ENAM: variants seen among roughly 807,000 people sequenced by gnomAD.
The protein encoded by ENAM is amelogenesis imperfecta 2, hypocalcification (autosomal dominant).
A neutral mutation model predicts 33.6 loss-of-function variants in ENAM; 21 were observed. The ratio of observed to expected loss-of-function variants is 0.63; its 90% CI spans 0.44 to 0.90. The LOEUF is 0.90. Among genes scored for constraint, ENAM ranks in the 40% least tolerant of loss-of-function variants. ENAM has a pLI of 0.00. For missense variants in ENAM, 1,388 were observed against 1,366.9 expected, an observed-to-expected ratio of 1.02 and a Z score of -0.24; for synonymous variants, 473 against 468.4, an observed-to-expected ratio of 1.01 and a Z score of -0.13.
At chr4:70,633,366 T>C (rs1014198576) in intron 5 of ENAM, among the ~76,000 whole-genome samples, 1 of 152,152 alleles carries the variant, frequency 6.6e-6, no homozygotes, top group Non-Finnish European at 1.5e-5. Flanking sequence ...TCATTGTAAA[T>C]TTCCTCTTCC....
Position 70,644,641 on chromosome 4 carries a change from C to T in ENAM, c.3215C>T (p.Thr1072Ile). ...LAKHHSSTTGTPSSDGRQSPF... is the reference protein window; with the variant it reads ...LAKHHSSTTGIPSSDGRQSPF... ...AAGCATCACTCTTCCACCACCGGAA[C>T]TCCATCTAGCGATGGAAGGCAAAGC... Residue 1072 changes from threonine to isoleucine, a missense_variant, in exon 9 of 9, where the codon ACT becomes ATT. Coordinates refer to ENST00000396073, the MANE Select transcript of ENAM (RefSeq NM_031889.3). The T allele has an allele frequency of 1.9e-6, 3 of 1,613,544 alleles. No homozygotes were observed. The highest frequency in any genetic ancestry group is 2.5e-6 in the Non-Finnish European group (3 of 1,179,484).
chr4:70,643,553 A>T lies in ENAM; in HGVS notation c.2127A>T (p.Lys709Asn), dbSNP rs753841608. ...YLPYSLDNPSKPREDFYYSEF... is the reference protein window; with the variant it reads ...YLPYSLDNPSNPREDFYYSEF... The stretch of plus-strand genomic sequence containing the variant: ...CCTATTCTTTAGATAATCCATCAAA[A>T]CCAAGGGAGGATTTTTATTACAGTG... Residue 709 changes from lysine (K) to asparagine (N), a missense_variant, in exon 9 of 9, where the codon AAA becomes AAT. Coordinates refer to ENST00000396073, the MANE Select transcript of ENAM (RefSeq NM_031889.3). 1.2e-6 allele frequency: 2 copies of T among 1,614,032 alleles called. No individual in the cohort carries two copies. Among genetic ancestry groups the T allele is most frequent in the Non-Finnish European group, 1.7e-6 (2 of 1,179,978 alleles).
At chr4:70,637,716 C>A (rs1398666065) in intron 7 of ENAM, 74 bp from the exon 8 acceptor site, 2 of 1,122,154 alleles carry the variant, frequency 1.8e-6, no homozygotes, top group Non-Finnish European at 2.7e-6. Context: ...TTTTTAGACA[C>A]CCTGAGTCTT....
Position 70,645,169 on chromosome 4 carries a change from C to T in ENAM, c.*314C>T. 1 of 530,092 alleles carries T rather than the reference C, an allele frequency of 1.9e-6. No homozygotes were observed. Among genetic ancestry groups the T allele is most frequent in the East Asian group, 2.9e-5 (1 of 34,222 alleles). 32.8% of individuals were successfully genotyped at this position (530,092 alleles called of 1,614,324 possible). ...CTTTTGCTTGATGACTTCTTTTGCT[C>T]TCAAAGTTCCATACTTGCAAAATTG... On this transcript the variant is annotated 3_prime_UTR_variant, in exon 9 of 9. Transcript: ENST00000396073.
rs765963621 is a variant in ENAM, at chr4:70,636,110, CCAAA to C, written c.534+219_534+222del. 6.6e-5 allele frequency among the ~76,000 whole-genome samples: 10 copies of C among 152,108 alleles called. No homozygotes were observed. In the South Asian group the frequency reaches 8.3e-4, roughly 13 times the overall value. On this transcript the variant is annotated intron_variant, in intron 7 of 8. Transcript: ENST00000396073. ...GGTGACATAAATACAACCTAAATCA[CCAAA>C]CAGATACTAATAAATTAGCTAATAA...
At chr4:70,634,164 TA>T in intron 5 of ENAM, 143 bp from the exon 6 acceptor site, 1 of 818,834 alleles carries the variant, frequency 1.2e-6, no homozygotes, top group Non-Finnish European at 2.1e-6. Context: ...AAATTCTAAC[TA>T]AAGATCTGGA....
chr4:70,641,535 G>A lies in ENAM; in HGVS notation c.589-480G>A, dbSNP rs187043843. On this transcript the variant is annotated intron_variant, in intron 8 of 8. Coordinates refer to ENST00000396073, the MANE Select transcript of ENAM (RefSeq NM_031889.3). ...CCTGAGTAACTGGGACTACAGGTGCGTGCACCACCATGCCCAGCTAATTTT... is the reference window on the plus strand; with the variant it reads ...CCTGAGTAACTGGGACTACAGGTGCATGCACCACCATGCCCAGCTAATTTT... Among the ~76,000 whole-genome samples the A allele has an allele frequency of 2.1e-3, 324 of 151,662 alleles. 1 individual carries two copies. The highest frequency in any genetic ancestry group is 3.4e-3 in the Middle Eastern group (1 of 294).
chr4:70,643,576 G>A lies in ENAM; in HGVS notation c.2150G>A (p.Ser717Asn). ...AAACCAAGGGAGGATTTTTATTACA[G>A]TGAATTTTACCCATGGAGCCCGGAT... The part of the protein sequence containing the change: ...PSKPREDFYY[S>N]EFYPWSPDEN... The change falls in exon 9 of 9, where the codon AGT (serine) becomes AAT (asparagine). Residue 717 changes from serine (S) to asparagine (N), a missense_variant. Transcript: ENST00000396073. 2 of 1,614,068 alleles carry A rather than the reference G, an allele frequency of 1.2e-6. No individual in the cohort carries two copies. Among genetic ancestry groups the A allele is most frequent in the Non-Finnish European group, 8.5e-7 (1 of 1,179,986 alleles).
rs141932934 is a variant in ENAM, at chr4:70,645,046, T to A, written c.*191T>A. ...GATTAGGCCTCTGGGGATCACCAGA[T>A]CTAGCACTTTCACAGATTAGTGCAG... is the stretch of plus-strand genomic sequence containing the variant. On this transcript the variant is annotated 3_prime_UTR_variant, in exon 9 of 9. Coordinates refer to ENST00000396073, the MANE Select transcript of ENAM (RefSeq NM_031889.3). 4.8e-6 allele frequency: 3 copies of A among 624,362 alleles called. No individual in the cohort carries two copies. The Admixed American group carries it at 8.0e-5, about 17-fold the overall frequency. The allele number at this position is 624,362 out of a possible 1,614,324, so 38.7% of individuals were successfully genotyped here. A position where few individuals can be genotyped will look rare whatever the true frequency, so the allele number is the denominator to read the frequency against.
In ENAM at chr4:70,644,381, T is replaced by G. The variant is rs147085843; in HGVS notation, c.2955T>G (p.Cys985Trp). The change falls in exon 9 of 9, where the codon TGT becomes TGG. Residue 985 changes from cysteine to tryptophan, a missense_variant. Cys to Trp is a radical substitution (Grantham distance 215). Coordinates refer to ENST00000396073, the MANE Select transcript of ENAM (RefSeq NM_031889.3). ...ASSLQSKNTPCLKNDLGGDGN... is the reference protein window; with the variant it reads ...ASSLQSKNTPWLKNDLGGDGN... Reference sequence around the variant, plus strand: ...CCCTTCAATCAAAGAATACACCTTGTCTCAAAAATGATCTTGGAGGAGATG... The same window carrying G: ...CCCTTCAATCAAAGAATACACCTTGGCTCAAAAATGATCTTGGAGGAGATG... 7 of 1,614,066 alleles carry G rather than the reference T, an allele frequency of 4.3e-6. No homozygotes were observed. The African/African-American group carries it at 5.3e-5, about 12-fold the overall frequency.
At position 70,643,598 on chromosome 4, in the gene ENAM, G is replaced by A. The variant is rs149573021; in HGVS notation, c.2172G>A (p.Pro724=). The change falls in exon 9 of 9, where the codon CCG becomes CCA. Residue 724 remains proline (P), a synonymous_variant. Coordinates refer to ENST00000396073, the MANE Select transcript of ENAM (RefSeq NM_031889.3). ...FYYSEFYPWS[P]DENFPSYNTA... is the part of the protein sequence containing the mutation. ...ACAGTGAATTTTACCCATGGAGCCC[G>A]GATGAGAATTTTCCATCATATAATA... 2.1e-4 allele frequency: 336 copies of A among 1,613,908 alleles called. No individual in the cohort carries two copies. Among genetic ancestry groups the A allele is most frequent in the Non-Finnish European group, 2.6e-4 (302 of 1,179,998 alleles).
intron 8 of ENAM, among the ~76,000 whole-genome samples, chr4:70,639,036 A>C (rs1400390625): frequency 6.6e-6 from 1 of 151,798 alleles, no homozygotes; most frequent in Non-Finnish European, 1.5e-5. Flanking sequence ...GCCTCAAGTG[A>C]TCCAGCCACC....
At chr4:70,629,206 T>C (rs1459205015) in intron 1 of ENAM, among the ~76,000 whole-genome samples, 1 of 152,108 alleles carries the variant, frequency 6.6e-6, no homozygotes, top group Non-Finnish European at 1.5e-5. Context: ...CATTTCCCCA[T>C]AGTGAAGTCT....
At chr4:70,634,611 G>A (rs377238799) in intron 6 of ENAM, 43 bp downstream of exon 6, 16 of 1,586,156 alleles carry the variant, frequency 1.0e-5, no homozygotes, top group South Asian at 4.4e-5. Context: ...AAATGGCCTC[G>A]GAGAGATTTG....
At position 70,634,306 on chromosome 4, in the gene ENAM, A is replaced by T; in HGVS notation, c.211-2A>T. ...TTTCACTATTATTTGCTACCCTTTCAGATGGCACACCTGGGGCCCTTCTTT... is the reference window on the plus strand; with the variant it reads ...TTTCACTATTATTTGCTACCCTTTCTGATGGCACACCTGGGGCCCTTCTTT... On this transcript the variant is annotated splice_acceptor_variant, in intron 5 of 8. Coordinates refer to ENST00000396073, the MANE Select transcript of ENAM (RefSeq NM_031889.3). LOFTEE classifies it high-confidence loss of function. 1 of 1,613,960 alleles carries T rather than the reference A, an allele frequency of 6.2e-7. No individual in the cohort carries two copies.
At chr4:70,641,489 G>C (rs1738596772) in intron 8 of ENAM, among the ~76,000 whole-genome samples, 1 of 151,486 alleles carries the variant, frequency 6.6e-6, no homozygotes, top group African/African-American at 2.4e-5. Flanking sequence ...CTGGGTTCAG[G>C]CGATTCTCCT....
In ENAM at chr4:70,644,279, G is replaced by T. The variant is rs774610819; in HGVS notation, c.2853G>T (p.Thr951=). 3 of 1,614,118 alleles carry T rather than the reference G, an allele frequency of 1.9e-6. No homozygotes were observed. The highest frequency in any genetic ancestry group is 2.5e-6 in the Non-Finnish European group (3 of 1,179,952). Residue 951 remains threonine, a synonymous_variant, in exon 9 of 9, where the codon ACG becomes ACT. Coordinates refer to ENST00000396073, the MANE Select transcript of ENAM (RefSeq NM_031889.3). ...ACCCTTTTAGAGATGATGTGTCCAC[G>T]CTGAGGAGGAACACACCATGTTCTA... ...SQNPFRDDVS[T]LRRNTPCSIK...
Position 70,632,658 on chromosome 4 carries a change from G to T in ENAM, c.176G>T (p.Arg59Leu). ...GGATTCCTTTGGTTGCAGATGATGCGGTATAATCAATTCAACTTTATGAAC... is the reference window on the plus strand; with the variant it reads ...GGATTCCTTTGGTTGCAGATGATGCTGTATAATCAATTCAACTTTATGAAC... ...GFSSKSEEMMRYNQFNFMNGP... is the reference protein window; with the variant it reads ...GFSSKSEEMMLYNQFNFMNGP... Residue 59 changes from arginine (R) to leucine (L), a missense_variant, in exon 5 of 9, where the codon CGG becomes CTG. Coordinates refer to ENST00000396073, the MANE Select transcript of ENAM (RefSeq NM_031889.3). The T allele has an allele frequency of 1.9e-6, 3 of 1,601,116 alleles. No homozygotes were observed. Among genetic ancestry groups the T allele is most frequent in the South Asian group, 2.2e-5 (2 of 90,792 alleles).
At chr4:70,635,407 G>A (rs2926179) in intron 6 of ENAM, among the ~76,000 whole-genome samples, 3 of 152,066 alleles carry the variant, frequency 2.0e-5, no homozygotes, top group Admixed American at 6.6e-5. Flanking sequence ...CTGGCTTTTG[G>A]TCAGTTAACA....
Sources: gnomAD v4.1 joint callset for allele counts (sites outside exome capture counted in the v4.1 genomes callset) on GRCh38, gnomAD v4.1.1 for gene constraint, MANE v1.5 for transcripts, NCBI Gene and HGNC (gene_info 2026-07-23, HGNC 2026-07-21) for gene names.